The following MAPK8IP2 variants were observed in gnomAD, a reference collection of about 807,000 sequenced individuals.
MAPK8IP2 encodes the protein mitogen-activated protein kinase 8 interacting protein 2, also known as C-Jun-amino-terminal kinase-interacting protein 2.
MAPK8IP2 carries 15 observed loss-of-function variants against 75.6 expected under a neutral mutation model. The observed-to-expected ratio is 0.20, with a 90% confidence interval of 0.13 to 0.31. The LOEUF (loss-of-function observed/expected upper bound fraction) is 0.31. MAPK8IP2 is among the 10% of genes least tolerant of loss of function. MAPK8IP2 has a pLI of 1.00. For missense variants in MAPK8IP2, 1,089 were observed against 1,211.2 expected, an observed-to-expected ratio of 0.90 and a Z score of 1.50; for synonymous variants, 632 against 554.5, an observed-to-expected ratio of 1.14 and a Z score of -1.96.
intron 8 of MAPK8IP2, 101 bp downstream of exon 8, chr22:50,606,035 T>A: frequency 1.0e-6 from 1 of 989,344 alleles, no homozygotes; most frequent in Non-Finnish European, 1.5e-6. Context: ...GTCTGAGGTC[T>A]GATTTCCTCC....
Position 50,604,448 on chromosome 22 carries a change from C to T in MAPK8IP2, c.1149C>T (p.Pro383=), listed in dbSNP as rs539031577. 7.1e-5 allele frequency: 98 copies of T among 1,387,830 alleles called. No individual in the cohort carries two copies. The African/African-American group carries it at 1.4e-3, about 20-fold the overall frequency. 86.0% of individuals were successfully genotyped at this position (1,387,830 alleles called of 1,614,324 possible). A position where few individuals can be genotyped will look rare whatever the true frequency, so the allele number is the denominator to read the frequency against. The change falls in exon 5 of 12, where the codon CCC becomes CCT. Residue 383 remains proline, a synonymous_variant. Coordinates refer to ENST00000329492, the MANE Select transcript of MAPK8IP2 (RefSeq NM_012324.6). ...LSPAPRPPGE[P]VSPAGGAAQD... is the part of the protein sequence containing the mutation. The stretch of plus-strand genomic sequence containing the variant: ...CTGCGCCGCGCCCGCCCGGGGAGCC[C>T]GTGTCGCCGGCCGGCGGGGCCGCCC...
chr22:50,605,432 G>A lies in MAPK8IP2; in HGVS notation c.1830G>A (p.Arg610=), dbSNP rs1204208885. 2 of 1,613,658 alleles carry A rather than the reference G, an allele frequency of 1.2e-6. No individual in the cohort carries two copies. The highest frequency in any genetic ancestry group is 8.5e-7 in the Non-Finnish European group (1 of 1,179,840). ...VNGEEREQTH[R]AVFRFIPRHP... ...GCGAGGAGCGAGAGCAGACTCACCG[G>A]GCTGTGTTCAGGTACGGCCTCCCTC... The change falls in exon 6 of 12, where the codon CGG becomes CGA. Residue 610 remains arginine (R), a synonymous_variant. Transcript: ENST00000329492.
chr22:50,605,245 G>C, intron 5 of MAPK8IP2, 123 bp from the exon 6 acceptor site: 1 of 1,137,402 alleles, frequency 8.8e-7, no homozygotes, highest in South Asian at 1.4e-5. Flanking sequence ...GCTCCTTCCC[G>C]CTCGTAGGAC....
At chr22:50,609,425 G>A (rs1010669491) in intron 10 of MAPK8IP2, among the ~76,000 whole-genome samples, 1 of 152,174 alleles carries the variant, frequency 6.6e-6, no homozygotes, top group Non-Finnish European at 1.5e-5. Context: ...CAGATCTGTG[G>A]GTCGGCGCTT....
chr22:50,603,315 AGAGGAGGACGATGAGGACGAGGAAGAG>A lies in MAPK8IP2; in HGVS notation c.273_299del (p.Asp91_Glu99del). 1 of 1,565,946 alleles carries A rather than the reference AGAGGAGGACGATGAGGACGAGGAAGAG, an allele frequency of 6.4e-7. No homozygotes were observed. The highest frequency in any genetic ancestry group is 1.2e-5 in the South Asian group (1 of 86,312). Reference sequence around the variant, plus strand: ...AGTTTGAGATGATCGATGACAATGAAGAGGAGGACGATGAGGACGAGGAAGAGGAGGAGGAGGAGGAGGAGGGAGATG... The same window carrying A: ...AGTTTGAGATGATCGATGACAATGAAGAGGAGGAGGAGGAGGAGGGAGATG... On this transcript the variant is annotated inframe_deletion, in exon 3 of 12. Coordinates refer to ENST00000329492, the MANE Select transcript of MAPK8IP2 (RefSeq NM_012324.6).
Position 50,603,439 on chromosome 22 carries a change from G to A in MAPK8IP2, c.388G>A (p.Val130Met), listed in dbSNP as rs1475272425. 1.9e-6 allele frequency: 3 copies of A among 1,569,020 alleles called. No homozygotes were observed. The highest frequency in any genetic ancestry group is 3.6e-5 in the Admixed American group (2 of 56,188). ...APGPLIPSPS[V>M]EEPHKHRPTT... is the part of the protein sequence containing the mutation. ...CGGGCCCCTTATCCCCTCCCCTTCC[G>A]TGGAGGAGCCCCACAAGCACCGGCC... The change falls in exon 3 of 12, where the codon GTG (valine) becomes ATG (methionine). Residue 130 changes from valine to methionine, a missense_variant. By Grantham distance (21) the Val-to-Met change is conservative. Coordinates refer to ENST00000329492, the MANE Select transcript of MAPK8IP2 (RefSeq NM_012324.6).
rs2071174395 is a variant in MAPK8IP2, at chr22:50,612,924, G to A, written c.*2145G>A. On this transcript the variant is annotated 3_prime_UTR_variant, in exon 12 of 12. Coordinates refer to ENST00000329492, the MANE Select transcript of MAPK8IP2 (RefSeq NM_012324.6). ...GCCCCGCCCCCCAACGTGTCTTCAG[G>A]TCTCTTTCCCTCCAGCCGGCCCTTA... is the stretch of plus-strand genomic sequence containing the variant. 1 of 83,748 alleles carries A rather than the reference G, an allele frequency of 1.2e-5. No homozygotes were observed. The highest frequency in any genetic ancestry group is 4.2e-5 in the African/African-American group (1 of 23,904). 5.2% of individuals were successfully genotyped at this position (83,748 alleles called of 1,614,324 possible). A position where few individuals can be genotyped will look rare whatever the true frequency, so the allele number is the denominator to read the frequency against.
At chr22:50,609,486 CTG>C (rs984924645) in intron 10 of MAPK8IP2, among the ~76,000 whole-genome samples, 10 of 152,030 alleles carry the variant, frequency 6.6e-5, no homozygotes, top group African/African-American at 2.4e-4. Flanking sequence ...TGTGCTCTGT[CTG>C]TGGACAGCGT....
At chr22:50,602,064 C>T (rs2070947442) in intron 2 of MAPK8IP2, among the ~76,000 whole-genome samples, 170 bp downstream of exon 2, 1 of 152,204 alleles carries the variant, frequency 6.6e-6, no homozygotes, top group Non-Finnish European at 1.5e-5. Flanking sequence ...TCAACTCTCT[C>T]TTATTCCAAC....
chr22:50,604,371 A>G lies in MAPK8IP2; in HGVS notation c.1072A>G (p.Met358Val), dbSNP rs2071002563. The G allele has an allele frequency of 6.5e-7, 1 of 1,531,994 alleles. No individual in the cohort carries two copies. Among genetic ancestry groups the G allele is most frequent in the African/African-American group, 1.4e-5 (1 of 72,256 alleles). The allele number at this position is 1,531,994 out of a possible 1,614,324, so 94.9% of individuals were successfully genotyped here. A position where few individuals can be genotyped will look rare whatever the true frequency, so the allele number is the denominator to read the frequency against. ...PWLLSNLVSR[M>V]ISEGSSPIRC... ...GCTGCTCAGCAACCTGGTGAGCCGC[A>G]TGATCTCCGAGGGCTCCTCGCCCAT... is the stretch of plus-strand genomic sequence containing the variant. The change falls in exon 5 of 12, where the codon ATG (methionine) becomes GTG (valine). Residue 358 changes from methionine (M) to valine (V), a missense_variant. Around this residue, in one of 2 missense-constraint regions of MAPK8IP2, gnomAD observed 960 missense variants for 1,009.6 expected, o/e 0.95. Coordinates refer to ENST00000329492, the MANE Select transcript of MAPK8IP2 (RefSeq NM_012324.6).
At position 50,603,228 on chromosome 22, in the gene MAPK8IP2, C is replaced by T; in HGVS notation, c.177C>T (p.Ser59=). ...SYDSDHCEKD[S]LSLGRSEQPH... The stretch of plus-strand genomic sequence containing the variant: ...TATCTCCCTCCGTCCTGCAGGACAG[C>T]CTCTCCCTGGGGCGCTCGGAGCAGC... The change falls in exon 3 of 12, where the codon AGC becomes AGT. Residue 59 remains serine (S), a synonymous_variant. Coordinates refer to ENST00000329492, the MANE Select transcript of MAPK8IP2 (RefSeq NM_012324.6). 6.2e-7 allele frequency: 1 copy of T among 1,611,256 alleles called. No homozygotes were observed. The highest frequency in any genetic ancestry group is 1.3e-5 in the African/African-American group (1 of 74,972).
chr22:50,605,537 C>A, intron 6 of MAPK8IP2, 25 bp from the exon 7 acceptor site: 1 of 1,180,442 alleles, frequency 8.5e-7, no homozygotes, highest in Non-Finnish European at 1.2e-6. Context: ...GCCCCCCTCC[C>A]CAGTGACCTC....
intron 10 of MAPK8IP2, among the ~76,000 whole-genome samples, chr22:50,608,728 C>G: frequency 6.7e-6 from 1 of 148,678 alleles, no homozygotes; most frequent in Non-Finnish European, 1.5e-5. Flanking sequence ...GGCACGGGCG[C>G]AGACCAGACA....
Position 50,604,235 on chromosome 22 carries a change from A to C in MAPK8IP2, c.936A>C (p.Glu312Asp), listed in dbSNP as rs940735208. Residue 312 changes from glutamate to aspartate, a missense_variant, in exon 5 of 12, where the codon GAA becomes GAC. Glu to Asp is a conservative substitution (Grantham distance 45, BLOSUM62 2). Coordinates refer to ENST00000329492, the MANE Select transcript of MAPK8IP2 (RefSeq NM_012324.6). ...CCTCGGAGCCGGAGCCCCCGCGCGA[A>C]CCCCCGCGCCGCCCCGCCTTCCTGC... is the stretch of plus-strand genomic sequence containing the variant. ...SPASEPEPPR[E>D]PPRRPAFLPV... The C allele has an allele frequency of 1.9e-6, 3 of 1,556,730 alleles. No homozygotes were observed. Among genetic ancestry groups the C allele is most frequent in the Non-Finnish European group, 8.6e-7 (1 of 1,160,228 alleles).
chr22:50,605,030 C>T lies in MAPK8IP2; in HGVS notation c.1731C>T (p.Leu577=). 6.2e-7 allele frequency: 1 copy of T among 1,612,548 alleles called. No individual in the cohort carries two copies. Among genetic ancestry groups the T allele is most frequent in the Non-Finnish European group, 8.5e-7 (1 of 1,179,838 alleles). ...SPDLTFSKKF[L]NVFVNSTSRS... is the part of the protein sequence containing the mutation. ...ACCTCACTTTCTCCAAGAAGTTCCTCAATGTCTTCGTCAACAGCACATCTC... is the reference window on the plus strand; with the variant it reads ...ACCTCACTTTCTCCAAGAAGTTCCTTAATGTCTTCGTCAACAGCACATCTC... Residue 577 remains leucine, a synonymous_variant, in exon 5 of 12, where the codon CTC becomes CTT. Coordinates refer to ENST00000329492, the MANE Select transcript of MAPK8IP2 (RefSeq NM_012324.6).
intron 6 of MAPK8IP2, 35 bp from the exon 7 acceptor site, chr22:50,605,527 G>A (rs376116557): frequency 1.6e-5 from 26 of 1,586,140 alleles, no homozygotes; most frequent in South Asian, 1.1e-4. Context: ...CGTCAATCCC[G>A]CCCCCCTCCC....
rs2070922006 is a variant in MAPK8IP2, at chr22:50,600,839, G to C, written c.21G>C (p.Met7Ile). The C allele has an allele frequency of 3.1e-6, 4 of 1,310,684 alleles. No homozygotes were observed. Among genetic ancestry groups the C allele is most frequent in the African/African-American group, 1.6e-5 (1 of 63,102 alleles). 81.2% of individuals were successfully genotyped at this position (1,310,684 alleles called of 1,614,324 possible). The part of the protein sequence containing the change: MADRAE[M>I]FSLSTFHSLS... ...AGAAGATGGCGGATCGCGCGGAGAT[G>C]TTTTCTCTCTCCACCTTCCACTCGC... is the stretch of plus-strand genomic sequence containing the variant. The change falls in exon 1 of 12, where the codon ATG becomes ATC. Residue 7 changes from methionine to isoleucine, a missense_variant. Around this residue, in one of 2 missense-constraint regions of MAPK8IP2, gnomAD observed 960 missense variants for 1,009.6 expected, o/e 0.95. Coordinates refer to ENST00000329492, the MANE Select transcript of MAPK8IP2 (RefSeq NM_012324.6).
chr22:50,607,092 C>A lies in MAPK8IP2; in HGVS notation c.2303+101C>A. 1.1e-6 allele frequency: 1 copy of A among 926,144 alleles called. No homozygotes were observed. Among genetic ancestry groups the A allele is most frequent in the East Asian group, 2.5e-5 (1 of 40,280 alleles). 57.4% of individuals were successfully genotyped at this position (926,144 alleles called of 1,614,324 possible). A position where few individuals can be genotyped will look rare whatever the true frequency, so the allele number is the denominator to read the frequency against. The stretch of plus-strand genomic sequence containing the variant: ...ACAGACCCTGAGGGCTGCCCGTGCC[C>A]AGCCCTGAGAGCTCCACCTGCACCC... On this transcript the variant is annotated intron_variant, in intron 10 of 11. Coordinates refer to ENST00000329492, the MANE Select transcript of MAPK8IP2 (RefSeq NM_012324.6). This position sits in a 1 kb window ranked among gnomAD's most constrained non-coding sequence, Gnocchi z 5.6.
chr22:50,605,390 C>T lies in MAPK8IP2; in HGVS notation c.1788C>T (p.Phe596=), dbSNP rs900300698. The change falls in exon 6 of 12, where the codon TTC becomes TTT. Residue 596 remains phenylalanine (F), a synonymous_variant. Transcript: ENST00000329492. ...RSSSTESFGL[F]SCLVNGEERE... is the part of the protein sequence containing the mutation. ...CAGGCACCGAGTCCTTTGGCCTTTT[C>T]TCCTGTCTGGTCAACGGCGAGGAGC... 10 of 1,613,714 alleles carry T rather than the reference C, an allele frequency of 6.2e-6. No individual in the cohort carries two copies. In the Admixed American group the frequency reaches 6.7e-5, roughly 11 times the overall value.
Sources: gnomAD v4.1 joint callset for allele counts (sites outside exome capture counted in the v4.1 genomes callset) on GRCh38, gnomAD v4.1.1 for gene constraint, gnomAD v4.1.1 regional missense constraint, Gnocchi (gnomAD v3.1) non-coding constraint, MANE v1.5 for transcripts, NCBI Gene and HGNC (gene_info 2026-07-23, HGNC 2026-07-21) for gene names.